CEP126: variants seen among roughly 807,000 people sequenced by gnomAD.
CEP126 encodes centrosomal protein of 126 kDa.
In CEP126, 74 loss-of-function variants were observed where a neutral mutation model predicts 107.8. The observed-to-expected ratio is 0.69, with a 90% CI of 0.57 to 0.83. The LOEUF is 0.83. Ranked by LOEUF, CEP126 falls within the 40% of genes least tolerant of loss-of-function variation. The pLI, the probability that CEP126 is intolerant of heterozygous loss-of-function variation, is 0.00. For missense variants in CEP126, 1,237 were observed against 1,281.9 expected (o/e 0.96, Z 0.53); for synonymous variants, 449 against 446.0 (o/e 1.01, Z -0.08).
At position 101,950,480 on chromosome 11, in the gene CEP126, T is replaced by TA. The variant is rs769481181; in HGVS notation, c.506+2339dup. 2.0e-5 allele frequency among the ~76,000 whole-genome samples: 3 copies of TA among 152,240 alleles called. No individual in the cohort carries two copies. In the East Asian group the frequency reaches 5.8e-4, roughly 29 times the overall value. On this transcript the variant is annotated intron_variant, in intron 4 of 10. Transcript: ENST00000263468. ...GCATGGGTTACACATGTGAATGAGATATGGTCCTCTGCCTAGCAAGGGTTT... is the reference window on the plus strand; with the variant it reads ...GCATGGGTTACACATGTGAATGAGATAATGGTCCTCTGCCTAGCAAGGGTTT...
chr11:101,938,024 A>G (rs1020835903), intron 2 of CEP126, among the ~76,000 whole-genome samples: 1 of 151,372 alleles, frequency 6.6e-6, no homozygotes, highest in East Asian at 2.0e-4. Context: ...GTGGTGGCGG[A>G]CGCCTGTAGT....
chr11:101,985,286 C>CT lies in CEP126; in HGVS notation c.3035-1531dup, dbSNP rs1332724086. ...GTATATATGAAACATAAATGAGTTT[C>CT]TTTTTTTTTTTTTTTAAGCAGAGTC... is the stretch of plus-strand genomic sequence containing the variant. On this transcript the variant is annotated intron_variant, in intron 8 of 10. Coordinates refer to ENST00000263468, the MANE Select transcript of CEP126 (RefSeq NM_020802.4). Among the ~76,000 whole-genome samples the CT allele has an allele frequency of 2.9e-3, 390 of 136,738 alleles. 1 individual carries two copies. Among genetic ancestry groups the CT allele is most frequent in the African/African-American group, 4.8e-3 (182 of 37,768 alleles). 89.7% of individuals were successfully genotyped at this position (136,738 alleles called of 152,430 possible).
chr11:101,918,847 C>T (rs1347159746), intron 1 of CEP126, among the ~76,000 whole-genome samples: 3 of 152,058 alleles, frequency 2.0e-5, no homozygotes, highest in Non-Finnish European at 2.9e-5. Flanking sequence ...CAAGGTAGAA[C>T]GAACTGCTTG....
intron 6 of CEP126, among the ~76,000 whole-genome samples, chr11:101,971,998 A>C (rs962540128): frequency 5.3e-5 from 8 of 151,900 alleles, no homozygotes; most frequent in Non-Finnish European, 1.2e-4. Flanking sequence ...AATCCCAGCT[A>C]CTTGGGAGGC....
rs1365318268 is a variant in CEP126 at position 101,915,350 on chromosome 11, C to T, written c.66C>T (p.Asn22=). The part of the protein sequence containing the change: ...VGELGTESSD[N]LDRAPLGPRE... The stretch of plus-strand genomic sequence containing the variant: ...AACTGGGCACTGAATCATCGGACAA[C>T]CTCGACAGAGCCCCCCTCGGCCCTC... Residue 22 remains asparagine, a synonymous_variant, in exon 1 of 11, where the codon AAC becomes AAT. Transcript: ENST00000263468. 3.1e-6 allele frequency: 5 copies of T among 1,613,882 alleles called. No homozygotes were observed. In the East Asian group the frequency reaches 8.9e-5, roughly 29 times the overall value.
Position 101,969,568 on chromosome 11 carries a change from G to A in CEP126, c.2845+5688G>A, listed in dbSNP as rs114795077. 4.1e-3 allele frequency among the ~76,000 whole-genome samples: 624 copies of A among 152,260 alleles called. 2 individuals are homozygous for A. Among genetic ancestry groups the A allele is most frequent in the African/African-American group, 0.014 (586 of 41,540 alleles). ...AAGGCAATTCTCCACAAACTAATCCGTAAATGTAGTATAATCTCTATCAAA... is the reference window on the plus strand; with the variant it reads ...AAGGCAATTCTCCACAAACTAATCCATAAATGTAGTATAATCTCTATCAAA... On this transcript the variant is annotated intron_variant, in intron 6 of 10. Coordinates refer to ENST00000263468, the MANE Select transcript of CEP126 (RefSeq NM_020802.4).
At chr11:101,916,255 C>T (rs974195535) in intron 1 of CEP126, 3 of 152,154 alleles carry the variant, frequency 2.0e-5, no homozygotes, top group African/African-American at 7.2e-5. Context: ...CCTTTGTCTC[C>T]AATTTCTAGG....
chr11:101,938,404 T>G (rs1681495402), intron 2 of CEP126, among the ~76,000 whole-genome samples: 1 of 150,480 alleles, frequency 6.6e-6, no homozygotes. Flanking sequence ...TTTCTCTATT[T>G]TTTTTTTTTT....
intron 7 of CEP126, among the ~76,000 whole-genome samples, chr11:101,978,823 T>C (rs1941222636): frequency 6.6e-6 from 1 of 152,090 alleles, no homozygotes; most frequent in Non-Finnish European, 1.5e-5. Flanking sequence ...ATTAGAGACC[T>C]GGATAGAAGA....
At chr11:101,958,487 G>A (rs561435649) in intron 5 of CEP126, 121 bp downstream of exon 5, 1 of 760,928 alleles carries the variant, frequency 1.3e-6, no homozygotes, top group Non-Finnish European at 2.1e-6. Context: ...GAAAGACAGT[G>A]TGGATGAATC....
chr11:101,958,237 C>G lies in CEP126; in HGVS notation c.576C>G (p.Ser192=), dbSNP rs1414732925. The change falls in exon 5 of 11, where the codon TCC becomes TCG. Residue 192 remains serine, a synonymous_variant. Transcript: ENST00000263468. ...NDHKHQKQLL[S]KINCEKEMNE... The stretch of plus-strand genomic sequence containing the variant: ...ACAAGCATCAGAAACAACTCTTATC[C>G]AAAATCAATTGTGAGAAAGAAATGA... 3.1e-6 allele frequency: 5 copies of G among 1,613,910 alleles called. No individual in the cohort carries two copies. The South Asian group carries it at 4.4e-5, about 14-fold the overall frequency.
chr11:101,952,826 G>T (rs1940830393), intron 4 of CEP126, among the ~76,000 whole-genome samples: 1 of 152,150 alleles, frequency 6.6e-6, no homozygotes. Flanking sequence ...TTAAAGTCAT[G>T]GCAGTATCTG....
At chr11:101,979,109 G>A (rs1006700674) in intron 7 of CEP126, among the ~76,000 whole-genome samples, 1 of 151,850 alleles carries the variant, frequency 6.6e-6, no homozygotes, top group Non-Finnish European at 1.5e-5. Flanking sequence ...TCCAGCCTGG[G>A]CAACAAGAGC....
intron 4 of CEP126, chr11:101,956,040 C>T (rs780624497): frequency 1.8e-5 from 8 of 456,506 alleles, no homozygotes; most frequent in Non-Finnish European, 3.1e-5. Flanking sequence ...CCAACCCCGG[C>T]TACTTCCAGC....
rs1380467504 is a variant in CEP126 at position 101,963,667 on chromosome 11, T to C, written c.2632T>C (p.Tyr878His). 6.2e-7 allele frequency: 1 copy of C among 1,614,140 alleles called. No homozygotes were observed. The change falls in exon 6 of 11, where the codon TAT becomes CAT. Residue 878 changes from tyrosine to histidine, a missense_variant. Tyr to His is a moderately conservative substitution (Grantham distance 83, BLOSUM62 2). This residue lies in a region of CEP126 where 1,134 missense variants were observed against 1,150.5 expected (regional missense o/e 0.99). Coordinates refer to ENST00000263468, the MANE Select transcript of CEP126 (RefSeq NM_020802.4). ...LVTVIPSLPS[Y>H]CSSECQTFAK... ...CACTGTGATACCATCACTGCCATCA[T>C]ATTGTTCTTCAGAGTGCCAAACTTT...
chr11:101,991,240 T>C (rs763718950), intron 9 of CEP126, among the ~76,000 whole-genome samples: 4 of 151,904 alleles, frequency 2.6e-5, no homozygotes, highest in Non-Finnish European at 5.9e-5. Context: ...CATCTACACA[T>C]ACACACTACA....
Position 101,997,829 on chromosome 11 carries a change from AAC to A in CEP126, c.*188_*189del, listed in dbSNP as rs1427317424. 2.7e-6 allele frequency: 2 copies of A among 728,664 alleles called. No homozygotes were observed. Among genetic ancestry groups the A allele is most frequent in the African/African-American group, 1.8e-5 (1 of 56,460 alleles). The allele number at this position is 728,664 out of a possible 1,614,324, so 45.1% of individuals were successfully genotyped here. ...GACATTTAACAAAGCAGTGAAGTTT[AAC>A]AGAGTTCTGAGAATACCATGAAAGA... On this transcript the variant is annotated 3_prime_UTR_variant, in exon 11 of 11. Transcript: ENST00000263468.
At chr11:101,954,326 A>T (rs1940855453) in intron 4 of CEP126, among the ~76,000 whole-genome samples, 1 of 152,132 alleles carries the variant, frequency 6.6e-6, no homozygotes, top group African/African-American at 2.4e-5. Flanking sequence ...ATGCCCAGAC[A>T]GATATTTTCA....
chr11:101,983,655 C>T (rs1005039069), intron 8 of CEP126, among the ~76,000 whole-genome samples: 3 of 152,166 alleles, frequency 2.0e-5, no homozygotes, highest in African/African-American at 7.2e-5. Context: ...AAGGTCATCG[C>T]TGATGAATAT....
Sources: gnomAD v4.1 joint callset for allele counts (sites outside exome capture counted in the v4.1 genomes callset) on GRCh38, gnomAD v4.1.1 for gene constraint, gnomAD v4.1.1 regional missense constraint, MANE v1.5 for transcripts, NCBI Gene and HGNC (gene_info 2026-07-23, HGNC 2026-07-21) for gene names.